The following ARSK variants were observed in gnomAD, a reference collection of about 807,000 sequenced individuals.
ARSK encodes the protein arylsulfatase K.
In ARSK, 37 loss-of-function variants were observed where a neutral mutation model predicts 53.2. The ratio of observed to expected loss-of-function variants is 0.70; its 90% confidence interval spans 0.54 to 0.92. ARSK has a LOEUF of 0.92. ARSK is among the 40% of genes least tolerant of loss of function. The pLI, the probability that ARSK is intolerant of heterozygous loss-of-function variation, is 0.00. For missense variants in ARSK, 613 were observed against 643.0 expected, an observed-to-expected ratio of 0.95 and a Z score of 0.51; for synonymous variants, 208 against 223.2, an observed-to-expected ratio of 0.93 and a Z score of 0.61.
At chr5:95,561,496 C>T (rs962478262) in intron 1 of ARSK, among the ~76,000 whole-genome samples, 10 of 152,168 alleles carry the variant, frequency 6.6e-5, no homozygotes, top group Middle Eastern at 3.4e-3. Flanking sequence ...TACATAATGG[C>T]CAAACAGTAT....
chr5:95,603,968 T>A lies in ARSK; in HGVS notation c.*442T>A, dbSNP rs1281188204. The A allele has an allele frequency of 1.3e-5, 2 of 152,232 alleles. No homozygotes were observed. The highest frequency in any genetic ancestry group is 3.2e-3 in the Middle Eastern group (1 of 316). 9.4% of individuals were successfully genotyped at this position (152,232 alleles called of 1,614,324 possible). A position where few individuals can be genotyped will look rare whatever the true frequency, so the allele number is the denominator to read the frequency against. On this transcript the variant is annotated 3_prime_UTR_variant, in exon 8 of 8. Transcript: ENST00000380009. ...TTCATTATTTTGTAAGAATGTAGTG[T>A]ATTTTAAGATAAAATGCCAATGATT...
At position 95,591,465 on chromosome 5, in the gene ARSK, A is replaced by G; in HGVS notation, c.936A>G (p.Ser312=). 1 of 1,614,104 alleles carries G rather than the reference A, an allele frequency of 6.2e-7. No individual in the cohort carries two copies. Among genetic ancestry groups the G allele is most frequent in the Non-Finnish European group, 8.5e-7 (1 of 1,179,958 alleles). The change falls in exon 6 of 8, where the codon TCA becomes TCG. Residue 312 remains serine, a synonymous_variant. Transcript: ENST00000380009. ...LLQKTIVIYS[S]DHGELAMEHR... Reference sequence around the variant, plus strand: ...AGAAAACTATTGTCATATACTCCTCAGACCATGGAGAGCTGGCCATGGAAC... The same window carrying G: ...AGAAAACTATTGTCATATACTCCTCGGACCATGGAGAGCTGGCCATGGAAC...
chr5:95,557,004 C>A (rs1313931309), intron 1 of ARSK: 1 of 147,932 alleles, frequency 6.8e-6, no homozygotes, highest in Admixed American at 6.7e-5. Context: ...AGCGAGAGTC[C>A]GTCTCGAAAA....
At chr5:95,580,767 A>G (rs1303015628) in intron 3 of ARSK, 3 of 324,690 alleles carry the variant, frequency 9.2e-6, no homozygotes, top group East Asian at 2.0e-4. Context: ...TCTTTTTTGA[A>G]TACATTAAAC....
chr5:95,585,555 C>G (rs1749098732), intron 4 of ARSK, among the ~76,000 whole-genome samples: 1 of 152,238 alleles, frequency 6.6e-6, no homozygotes, highest in South Asian at 2.1e-4. Flanking sequence ...AATGAAGTGA[C>G]TCAGGAATGG....
At position 95,603,240 on chromosome 5, in the gene ARSK, T is replaced by A. The variant is rs1231119238; in HGVS notation, c.1325T>A (p.Leu442His). The A allele has an allele frequency of 1.3e-6, 2 of 1,552,368 alleles. No individual in the cohort carries two copies. The highest frequency in any genetic ancestry group is 2.8e-5 in the African/African-American group (2 of 72,198). ...ATACTTATTTTTTTTCTTTCAGATC[T>A]TTCCTCGGATCCAGATGAATTAACA... ...GASILPQLFD[L>H]SSDPDELTNV... Residue 442 changes from leucine to histidine, a missense_variant, in exon 8 of 8, where the codon CTT (leucine) becomes CAT (histidine). Coordinates refer to ENST00000380009, the MANE Select transcript of ARSK (RefSeq NM_198150.3).
intron 1 of ARSK, among the ~76,000 whole-genome samples, chr5:95,562,660 G>GA (rs1264097408): frequency 1.3e-5 from 2 of 152,136 alleles, no homozygotes; most frequent in East Asian, 3.9e-4. Context: ...CCCCAAGGGG[G>GA]AAAAATGTGT....
intron 1 of ARSK, among the ~76,000 whole-genome samples, chr5:95,562,219 T>A (rs769636095): frequency 6.5e-5 from 9 of 138,078 alleles, no homozygotes; most frequent in Non-Finnish European, 1.2e-4. Flanking sequence ...TCAAAAAAAA[T>A]AAATAAAAAT....
intron 7 of ARSK, among the ~76,000 whole-genome samples, chr5:95,601,399 C>T (rs1333524717): frequency 2.6e-5 from 4 of 152,194 alleles, no homozygotes; most frequent in African/African-American, 9.6e-5. Flanking sequence ...GAAGGATTAA[C>T]ACCTATCTTA....
intron 4 of ARSK, among the ~76,000 whole-genome samples, chr5:95,583,973 A>C (rs1036976890): frequency 4.6e-5 from 7 of 152,156 alleles, no homozygotes; most frequent in African/African-American, 1.4e-4. Flanking sequence ...TATGCTCGTA[A>C]ATGTGCCTTC....
chr5:95,589,319 G>T (rs1749174021), intron 5 of ARSK, among the ~76,000 whole-genome samples: 1 of 152,232 alleles, frequency 6.6e-6, no homozygotes, highest in Non-Finnish European at 1.5e-5. Context: ...TGCAGGGTAT[G>T]CAGGTTTGTT....
chr5:95,603,627 T>C lies in ARSK; in HGVS notation c.*101T>C. The C allele has an allele frequency of 8.5e-7, 1 of 1,170,218 alleles. No individual in the cohort carries two copies. Among genetic ancestry groups the C allele is most frequent in the South Asian group, 2.0e-5 (1 of 49,366 alleles). 72.5% of individuals were successfully genotyped at this position (1,170,218 alleles called of 1,614,324 possible). On this transcript the variant is annotated 3_prime_UTR_variant, in exon 8 of 8. Coordinates refer to ENST00000380009, the MANE Select transcript of ARSK (RefSeq NM_198150.3). ...AACAGTTTTAATAATTACCAAGTTTTGGCCGGGCACAGTGGCTCACACCTG... is the reference window on the plus strand; with the variant it reads ...AACAGTTTTAATAATTACCAAGTTTCGGCCGGGCACAGTGGCTCACACCTG...
At chr5:95,579,406 G>C (rs1418859152) in intron 3 of ARSK, among the ~76,000 whole-genome samples, 1 of 152,170 alleles carries the variant, frequency 6.6e-6, no homozygotes, top group African/African-American at 2.4e-5. Context: ...ATGGCAGCAG[G>C]CAAAAGAGAA....
rs766388904 is a variant in ARSK, at chr5:95,583,205, A to G, written c.699+7A>G. On this transcript the variant is annotated splice_region_variant and intron_variant, in intron 4 of 7. Transcript: ENST00000380009. ...TCTTTATTGGCTTGAAAAAGTAAGTAACTACATTGTGTGTGCTCAAAAGTA... is the reference window on the plus strand; with the variant it reads ...TCTTTATTGGCTTGAAAAAGTAAGTGACTACATTGTGTGTGCTCAAAAGTA... 6.5e-6 allele frequency: 10 copies of G among 1,543,108 alleles called. No individual in the cohort carries two copies. The highest frequency in any genetic ancestry group is 7.9e-6 in the Non-Finnish European group (9 of 1,139,046).
intron 1 of ARSK, among the ~76,000 whole-genome samples, chr5:95,557,418 T>C (rs1230835175): frequency 6.6e-6 from 1 of 152,234 alleles, no homozygotes; most frequent in Non-Finnish European, 1.5e-5. Flanking sequence ...TTTTGTTTTA[T>C]GCCAAATATT....
rs774246722 is a variant in ARSK, at chr5:95,591,536, T to C, written c.1007T>C (p.Val336Ala). 1 of 1,614,132 alleles carries C rather than the reference T, an allele frequency of 6.2e-7. No homozygotes were observed. The highest frequency in any genetic ancestry group is 1.1e-5 in the South Asian group (1 of 91,084). ...AGCATGTACGAGGCTAGTGCACATG[T>C]TCCGCTTTTGATGATGGGACCAGGA... is the stretch of plus-strand genomic sequence containing the variant. ...KMSMYEASAH[V>A]PLLMMGPGIK... Residue 336 changes from valine (V) to alanine (A), a missense_variant, in exon 6 of 8, where the codon GTT (valine) becomes GCT (alanine). By Grantham distance (64) the Val-to-Ala change is moderately conservative. Coordinates refer to ENST00000380009, the MANE Select transcript of ARSK (RefSeq NM_198150.3).
At position 95,555,634 on chromosome 5, in the gene ARSK, ATC is replaced by A. The variant is rs1491010352; in HGVS notation, c.126+232_126+233del. On this transcript the variant is annotated intron_variant, in intron 1 of 7. Coordinates refer to ENST00000380009, the MANE Select transcript of ARSK (RefSeq NM_198150.3). The surrounding 1 kb of genome is among the most constrained non-coding windows in gnomAD (Gnocchi z 4.0). ...TGAAACACTGAAAACATCTTTGCAG[ATC>A]TTTTTTTTTTAATACTGACCTCGAT... Among the ~76,000 whole-genome samples the A allele has an allele frequency of 1.3e-5, 2 of 150,956 alleles. No individual in the cohort carries two copies. Among genetic ancestry groups the A allele is most frequent in the African/African-American group, 4.9e-5 (2 of 40,886 alleles).
intron 3 of ARSK, among the ~76,000 whole-genome samples, chr5:95,574,689 A>G (rs1748892593): frequency 1.4e-5 from 2 of 146,706 alleles, no homozygotes; most frequent in Non-Finnish European, 3.0e-5. Context: ...TAATCCGATT[A>G]TTAGATTTTT....
chr5:95,589,410 A>G (rs1749175620), intron 5 of ARSK, among the ~76,000 whole-genome samples: 1 of 152,152 alleles, frequency 6.6e-6, no homozygotes, highest in South Asian at 2.1e-4. Context: ...CCCAGCATGC[A>G]TTAGCTATTT....
Sources: gnomAD v4.1 joint callset for allele counts (sites outside exome capture counted in the v4.1 genomes callset) on GRCh38, gnomAD v4.1.1 for gene constraint, Gnocchi (gnomAD v3.1) non-coding constraint, MANE v1.5 for transcripts, NCBI Gene and HGNC (gene_info 2026-07-23, HGNC 2026-07-21) for gene names.